Variants in COL6A5 observed in about 807,000 individuals in gnomAD.
COL6A5 encodes the protein collagen type VI alpha 5 chain, also known as collagen alpha-5(VI) chain.
Under a neutral mutation model 65.6 loss-of-function variants are expected in COL6A5, and 48 were observed. The observed-to-expected ratio is 0.73, with a 90% confidence interval of 0.58 to 0.93. The LOEUF (loss-of-function observed/expected upper bound fraction) is 0.93, where lower values mean the gene tolerates loss of function less well. Ranked by LOEUF, COL6A5 falls within the 40% of genes least tolerant of loss-of-function variation. The pLI, the probability that COL6A5 is intolerant of heterozygous loss-of-function variation, is 0.00. For synonymous variants in COL6A5, 291 were observed against 322.8 expected (o/e 0.90, Z 1.05); for missense variants, 914 against 928.3 (o/e 0.98, Z 0.20).
In COL6A5 at chr3:130,385,417, C is replaced by T. The variant is rs930306429; in HGVS notation, c.1861+53C>T. On this transcript the variant is annotated intron_variant and NMD_transcript_variant, in intron 5 of 41. Coordinates refer to the COL6A5 transcript ENST00000312481. ...TCCACATTTCATCAATTGCTTTAGG[C>T]AGATTAATGGCCAGGCTGAGACAAG... 1.7e-5 allele frequency: 25 copies of T among 1,488,944 alleles called. No individual in the cohort carries two copies. The African/African-American group carries it at 2.8e-4, about 17-fold the overall frequency. The allele number at this position is 1,488,944 out of a possible 1,614,324, so 92.2% of individuals were successfully genotyped here.
chr3:130,444,539 G>A (rs138327368), intron 4 of COL6A5, among the ~76,000 whole-genome samples: 1 of 152,096 alleles, frequency 6.6e-6, no homozygotes, highest in South Asian at 2.1e-4. Flanking sequence ...TCCGTTTGGG[G>A]TCCCTGACCT....
In COL6A5 at chr3:130,414,783, G is replaced by A. The variant is rs531403175; in HGVS notation, c.4761+652G>A. Among the ~76,000 whole-genome samples, 3 of 152,180 alleles carry A rather than the reference G, an allele frequency of 2.0e-5. No individual in the cohort carries two copies. The South Asian group carries it at 6.2e-4, about 32-fold the overall frequency. ...CTTAAGCCTGGACTCGTATGGAAGG[G>A]CCTGTGTAGCTGTGCCTATTCTAAG... On this transcript the variant is annotated intron_variant and NMD_transcript_variant, in intron 22 of 41. Transcript: ENST00000312481.
In COL6A5 at chr3:130,401,748, T is replaced by TC; in HGVS notation, c.4135-14_4135-13insC. On this transcript the variant is annotated splice_polypyrimidine_tract_variant and intron_variant and NMD_transcript_variant, in intron 11 of 41. Transcript: ENST00000312481. ...ACAATTGCTATTCCCTCAGCTTTACTTTTTTTCCCCCAGGGAAATATTGCA... is the reference window on the plus strand; with the variant it reads ...ACAATTGCTATTCCCTCAGCTTTACTCTTTTTTCCCCCAGGGAAATATTGCA... 1.3e-6 allele frequency: 2 copies of TC among 1,534,954 alleles called. No homozygotes were observed.
exon 12 of COL6A5, chr3:130,401,801 A>C: frequency 6.4e-7 from 1 of 1,551,642 alleles, no homozygotes. Context: ...TACATTCTGC[A>C]AATGTCCAGG....
At chr3:130,384,971 A>C (rs1490393911) in exon 5 of COL6A5, 2 of 1,551,018 alleles carry the variant, frequency 1.3e-6, no homozygotes, top group Admixed American at 3.9e-5. Flanking sequence ...TTCAGATGAC[A>C]CAGAAGTGGA....
chr3:130,418,433 T>G (rs1937420239), intron 24 of COL6A5, among the ~76,000 whole-genome samples: 1 of 152,096 alleles, frequency 6.6e-6, no homozygotes, highest in Non-Finnish European at 1.5e-5. Flanking sequence ...AGACTCCCCT[T>G]CTGTTTGCTT....
intron 4 of COL6A5, among the ~76,000 whole-genome samples, chr3:130,382,561 G>C (rs1936035941): frequency 6.6e-6 from 1 of 152,116 alleles, no homozygotes; most frequent in African/African-American, 2.4e-5. Flanking sequence ...TCTGAGGGTA[G>C]GGCCTGGGCC....
At chr3:130,405,554 C>T in intron 13 of COL6A5, 34 bp from the exon 14 acceptor site, 1 of 1,511,008 alleles carries the variant, frequency 6.6e-7, no homozygotes, top group Non-Finnish European at 9.0e-7. Flanking sequence ...GCAAAAACAT[C>T]ACTTTGGGTA....
intron 1 of COL6A5, 66 bp from the exon 34 acceptor site, chr3:130,439,456 A>G (rs1709116971): frequency 4.2e-6 from 5 of 1,181,092 alleles, no homozygotes; most frequent in East Asian, 2.6e-5. Flanking sequence ...ACTAATCCTT[A>G]AAGTGGTTTC....
exon 22 of COL6A5, chr3:130,414,088 G>T: frequency 6.4e-7 from 1 of 1,550,840 alleles, no homozygotes; most frequent in African/African-American, 1.4e-5. Flanking sequence ...GGAAATCCTG[G>T]ACCTACAGGC....
chr3:130,384,107 C>G (rs1389278541), intron 4 of COL6A5, among the ~76,000 whole-genome samples: 3 of 151,900 alleles, frequency 2.0e-5, no homozygotes, highest in African/African-American at 7.2e-5. Flanking sequence ...TTGATGACAT[C>G]CATGATGAGA....
At chr3:130,472,797 T>G (rs1240414258) in intron 7 of COL6A5, among the ~76,000 whole-genome samples, 1 of 138,268 alleles carries the variant, frequency 7.2e-6, no homozygotes, top group Non-Finnish European at 1.5e-5. Context: ...GGCATATATG[T>G]ATACTTCAAA....
At chr3:130,478,714 G>T (rs1253375819) in intron 7 of COL6A5, among the ~76,000 whole-genome samples, 1 of 151,972 alleles carries the variant, frequency 6.6e-6, no homozygotes, top group Non-Finnish European at 1.5e-5. Context: ...GTCAAACCAG[G>T]AGTCATTTAA....
At chr3:130,439,250 A>G (rs1709110381) in intron 1 of COL6A5, among the ~76,000 whole-genome samples, 1 of 152,026 alleles carries the variant, frequency 6.6e-6, no homozygotes, top group Admixed American at 6.6e-5. Flanking sequence ...TGGTCAGGTT[A>G]TCTCATGGCA....
intron 23 of COL6A5, among the ~76,000 whole-genome samples, chr3:130,416,126 ATG>A (rs1454842358): frequency 2.0e-5 from 3 of 152,058 alleles, no homozygotes; most frequent in African/African-American, 7.2e-5. Flanking sequence ...CTTGATTCCT[ATG>A]TTCACCTCTT....
intron 1 of COL6A5, among the ~76,000 whole-genome samples, chr3:130,370,704 A>G (rs774356921): frequency 1.2e-4 from 19 of 152,238 alleles, no homozygotes; most frequent in Non-Finnish European, 5.9e-5. Flanking sequence ...AGTGAGACAT[A>G]CTATGTTGGG....
intron 4 of COL6A5, among the ~76,000 whole-genome samples, chr3:130,449,454 T>C (rs1709378489): frequency 6.6e-6 from 1 of 152,154 alleles, no homozygotes; most frequent in African/African-American, 2.4e-5. Flanking sequence ...TAGGGCTGAA[T>C]TGTGCCCTTT....
chr3:130,422,019 TAA>T (rs1231657714), intron 27 of COL6A5, among the ~76,000 whole-genome samples: 1 of 151,922 alleles, frequency 6.6e-6, no homozygotes, highest in Non-Finnish European at 1.5e-5. Flanking sequence ...GTCTTCTACA[TAA>T]GTGATGCTTA....
chr3:130,390,931 C>A (rs1936374317), intron 6 of COL6A5, among the ~76,000 whole-genome samples: 1 of 152,180 alleles, frequency 6.6e-6, no homozygotes, highest in Non-Finnish European at 1.5e-5. Flanking sequence ...GGCATAAGGA[C>A]CAGCAAACCT....
Sources: gnomAD v4.1 joint callset for allele counts (sites outside exome capture counted in the v4.1 genomes callset) on GRCh38, gnomAD v4.1.1 for gene constraint, MANE v1.5 for transcripts, NCBI Gene and HGNC (gene_info 2026-07-23, HGNC 2026-07-21) for gene names.